The following OR6N1 variants were observed in gnomAD, a reference collection of about 807,000 sequenced individuals.
OR6N1 encodes the protein olfactory receptor 6N1.
For synonymous variants in OR6N1, 170 were observed against 150.7 expected (o/e 1.13, Z -0.94); for missense variants, 394 against 371.7 (o/e 1.06, Z -0.49).
the OR6N1 span, among the ~76,000 whole-genome samples, chr1:158,787,633 TCTCA>T: frequency 1.7e-5 from 2 of 114,660 alleles, no homozygotes; most frequent in African/African-American, 4.1e-5. Context: ...TCTCTCTCTC[TCTCA>T]CACACACACA....
At chr1:158,770,645 T>C (rs1657401025) in intron 1 of OR6N1, among the ~76,000 whole-genome samples, 1 of 150,256 alleles carries the variant, frequency 6.7e-6, no homozygotes, top group African/African-American at 2.5e-5. Context: ...CAACAGCTCA[T>C]AAAAAGAAAA....
the OR6N1 span, among the ~76,000 whole-genome samples, chr1:158,836,715 AT>A: frequency 1.3e-5 from 2 of 150,962 alleles, no homozygotes; most frequent in African/African-American, 4.9e-5. Flanking sequence ...TCTAATCTCA[AT>A]TTTACCTCTA....
the OR6N1 span, among the ~76,000 whole-genome samples, chr1:158,781,476 C>T: frequency 6.6e-6 from 1 of 152,172 alleles, no homozygotes; most frequent in Non-Finnish European, 1.5e-5. Context: ...TCCCTTGCCA[C>T]TCCTATTCCC....
the OR6N1 span, among the ~76,000 whole-genome samples, chr1:158,783,411 G>GTTTAGGAT: frequency 6.6e-6 from 1 of 152,132 alleles, no homozygotes; most frequent in Non-Finnish European, 1.5e-5. Flanking sequence ...AAATAGAAAT[G>GTTTAGGAT]AGCTAAATAT....
chr1:158,796,020 G>A, the OR6N1 span: 1 of 152,228 alleles, frequency 6.6e-6, no homozygotes, highest in Non-Finnish European at 1.5e-5. Flanking sequence ...TAAAAGTGTG[G>A]TCACCATGTT....
chr1:158,773,854 T>A (rs1657487992), upstream of OR6N1, among the ~76,000 whole-genome samples: 1 of 152,210 alleles, frequency 6.6e-6, no homozygotes, highest in Admixed American at 6.5e-5. Flanking sequence ...TATATATATT[T>A]GTATATTTGT....
chr1:158,826,628 C>T, the OR6N1 span, among the ~76,000 whole-genome samples: 8 of 152,100 alleles, frequency 5.3e-5, no homozygotes, highest in Non-Finnish European at 1.0e-4. Flanking sequence ...GACATAGGAA[C>T]GTGTAGAGTA....
At chr1:158,825,208 G>C in the OR6N1 span, among the ~76,000 whole-genome samples, 1 of 152,158 alleles carries the variant, frequency 6.6e-6, no homozygotes, top group African/African-American at 2.4e-5. Context: ...GGGAGCCTGA[G>C]GTGGGTGGAT....
upstream of OR6N1, chr1:158,776,680 A>G (rs774272016): frequency 3.2e-6 from 5 of 1,565,486 alleles, no homozygotes; most frequent in Admixed American, 7.0e-5. Flanking sequence ...ATGGGAAGAA[A>G]GTCAAAGATG....
At chr1:158,825,897 T>C in the OR6N1 span, among the ~76,000 whole-genome samples, 1 of 152,152 alleles carries the variant, frequency 6.6e-6, no homozygotes, top group East Asian at 1.9e-4. Flanking sequence ...AATGGTAGAC[T>C]GGGTAGAGAA....
At chr1:158,804,418 T>C in the OR6N1 span, among the ~76,000 whole-genome samples, 15,473 of 152,236 alleles carry the variant, frequency 0.1, 904 homozygotes, top group African/African-American at 0.15. Flanking sequence ...TTGACAAAGT[T>C]AAACCAGATT....
the OR6N1 span, among the ~76,000 whole-genome samples, chr1:158,827,831 T>A: frequency 5.3e-5 from 8 of 152,330 alleles, no homozygotes; most frequent in Admixed American, 1.3e-4. Context: ...ATCCTGCTGA[T>A]AAAGGCATAC....
chr1:158,766,319 T>C lies in OR6N1; in HGVS notation c.364A>G (p.Arg122Gly). ...AGGGGCCGGCAGATGGCTAAATACC[T>C]ATCGTAGGCCATAGCTGTCAGGAGA... ...CYLLTAMAYDRYLAICRPLHY... is the reference protein window; with the variant it reads ...CYLLTAMAYDGYLAICRPLHY... Residue 122 changes from arginine (R) to glycine (G), a missense_variant, in exon 2 of 2, where the codon AGG becomes GGG. Coordinates refer to ENST00000641846, the MANE Select transcript of OR6N1 (RefSeq NM_001005185.2). 1.2e-6 allele frequency: 2 copies of C among 1,614,036 alleles called. No individual in the cohort carries two copies. Among genetic ancestry groups the C allele is most frequent in the Non-Finnish European group, 8.5e-7 (1 of 1,180,004 alleles).
chr1:158,769,147 A>G (rs896544888), intron 1 of OR6N1, among the ~76,000 whole-genome samples: 1 of 151,920 alleles, frequency 6.6e-6, no homozygotes, highest in African/African-American at 2.4e-5. Flanking sequence ...GGAAAATTTC[A>G]TAGAACACAT....
chr1:158,832,965 C>T, the OR6N1 span, among the ~76,000 whole-genome samples: 3 of 152,010 alleles, frequency 2.0e-5, no homozygotes, highest in Non-Finnish European at 2.9e-5. Context: ...TTATTCTGTG[C>T]TTTCTTCTTC....
upstream of OR6N1, chr1:158,776,364 T>C (rs1657593436): frequency 1.5e-5 from 3 of 199,620 alleles, no homozygotes; most frequent in Non-Finnish European, 2.0e-5. Context: ...AGAGGAAATA[T>C]GGTGTGTTGA....
At chr1:158,790,400 ATTT>A in the OR6N1 span, among the ~76,000 whole-genome samples, 2 of 129,450 alleles carry the variant, frequency 1.5e-5, no homozygotes, top group East Asian at 2.2e-4. Context: ...TTGATAGGGA[ATTT>A]TTTTTTTTTT....
the OR6N1 span, among the ~76,000 whole-genome samples, chr1:158,825,760 C>G: frequency 2.0e-5 from 3 of 152,150 alleles, no homozygotes; most frequent in South Asian, 2.1e-4. Context: ...TTTGACCCAG[C>G]AATCCCATTA....
At chr1:158,772,219 A>T (rs1167455889), upstream of OR6N1, 1 of 152,174 alleles carries the variant, frequency 6.6e-6, no homozygotes, top group Non-Finnish European at 1.5e-5. Flanking sequence ...TTAAACCATA[A>T]AACAAATTCT....
Sources: allele counts gnomAD v4.1 joint callset (sites outside exome capture counted in the v4.1 genomes callset), GRCh38; gene constraint gnomAD v4.1.1; transcripts MANE v1.5; gene names NCBI Gene and HGNC (gene_info 2026-07-23, HGNC 2026-07-21).